Variants in LRP1B observed in about 807,000 individuals in gnomAD.
The protein encoded by LRP1B is low-density lipoprotein receptor-related protein 1B.
A neutral mutation model predicts 556.6 loss-of-function variants in LRP1B; 217 were observed. The observed-to-expected ratio is 0.39, with a 90% CI of 0.35 to 0.44. LRP1B has a LOEUF of 0.44. Among genes scored for constraint, LRP1B ranks in the 20% least tolerant of loss-of-function variants. The pLI is 1.00. For synonymous variants in LRP1B, 2,047 were observed against 1,865.8 expected (o/e 1.10, Z -2.50); for missense variants, 5,053 against 5,620.8 (o/e 0.90, Z 3.23).
At chr2:140,295,701 A>G (rs992717419) in intron 84 of LRP1B, among the ~76,000 whole-genome samples, 4 of 152,218 alleles carry the variant, frequency 2.6e-5, no homozygotes, top group African/African-American at 9.6e-5. Flanking sequence ...ACTAAAAACA[A>G]TATCTAGTTT....
intron 1 of LRP1B, among the ~76,000 whole-genome samples, chr2:142,021,082 C>T (rs78227842): frequency 6.6e-6 from 1 of 152,126 alleles, no homozygotes; most frequent in East Asian, 1.9e-4. Context: ...GTAAAACAAA[C>T]TTCTGACAAT....
At position 140,533,918 on chromosome 2, in the gene LRP1B, T is replaced by C. The variant is rs1690831263; in HGVS notation, c.7762+103A>G. 3 of 1,204,000 alleles carry C rather than the reference T, an allele frequency of 2.5e-6. No individual in the cohort carries two copies. The Admixed American group carries it at 5.9e-5, about 24-fold the overall frequency. The allele number at this position is 1,204,000 out of a possible 1,614,324, so 74.6% of individuals were successfully genotyped here. ...TTACCAAAGTGTGATCCATAGATGTTACTAGGTGTTATATGCCACAGAGCT... is the reference window on the plus strand; with the variant it reads ...TTACCAAAGTGTGATCCATAGATGTCACTAGGTGTTATATGCCACAGAGCT... On this transcript the variant is annotated intron_variant, in intron 47 of 90. Coordinates refer to ENST00000389484, the MANE Select transcript of LRP1B (RefSeq NM_018557.3).
intron 17 of LRP1B, among the ~76,000 whole-genome samples, chr2:140,984,433 C>T (rs960851833): frequency 2.0e-4 from 30 of 151,920 alleles, no homozygotes; most frequent in Non-Finnish European, 4.4e-5. Context: ...ATCTAAAATT[C>T]TAATTGGCCT....
intron 7 of LRP1B, among the ~76,000 whole-genome samples, chr2:141,130,954 C>A (rs1191239791): frequency 1.3e-5 from 2 of 152,090 alleles, no homozygotes; most frequent in East Asian, 1.9e-4. Flanking sequence ...TGTTCTCATT[C>A]ATAAGTGGGA....
At chr2:140,814,345 G>T (rs1467907609) in intron 31 of LRP1B, among the ~76,000 whole-genome samples, 1 of 151,996 alleles carries the variant, frequency 6.6e-6, no homozygotes, top group African/African-American at 2.4e-5. Context: ...TATCTCTATG[G>T]ATTACCAACA....
At chr2:142,009,697 C>T (rs1233106389) in intron 1 of LRP1B, among the ~76,000 whole-genome samples, 1 of 152,226 alleles carries the variant, frequency 6.6e-6, no homozygotes, top group East Asian at 1.9e-4. Flanking sequence ...TGATTTTATG[C>T]TGCATATATG....
intron 1 of LRP1B, among the ~76,000 whole-genome samples, chr2:142,071,704 C>T (rs554988473): frequency 1.3e-5 from 2 of 152,010 alleles, no homozygotes; most frequent in South Asian, 2.1e-4. Flanking sequence ...TCTCTGGTTC[C>T]TCACACATAA....
chr2:140,268,546 G>T (rs1402152969), intron 86 of LRP1B, among the ~76,000 whole-genome samples: 1 of 151,864 alleles, frequency 6.6e-6, no homozygotes, highest in East Asian at 1.9e-4. Context: ...TCCAATCAGG[G>T]CTACTCATTA....
chr2:141,804,244 G>A (rs1468268038), intron 2 of LRP1B, among the ~76,000 whole-genome samples: 1 of 152,012 alleles, frequency 6.6e-6, no homozygotes, highest in Non-Finnish European at 1.5e-5. Context: ...TGTATACTCT[G>A]CTTTCCCTAA....
At chr2:140,331,879 T>C (rs1365225818) in intron 79 of LRP1B, among the ~76,000 whole-genome samples, 1 of 151,832 alleles carries the variant, frequency 6.6e-6, no homozygotes, top group East Asian at 2.0e-4. Flanking sequence ...GTATTTTTAG[T>C]AGAGGCAGGG....
At chr2:140,291,499 C>T (rs562377876) in intron 84 of LRP1B, among the ~76,000 whole-genome samples, 1 of 151,358 alleles carries the variant, frequency 6.6e-6, no homozygotes, top group African/African-American at 2.4e-5. Flanking sequence ...TGTGATGTTC[C>T]CCTTCCTGTG....
intron 3 of LRP1B, among the ~76,000 whole-genome samples, chr2:141,322,061 A>T (rs903167519): frequency 2.6e-5 from 4 of 152,066 alleles, no homozygotes; most frequent in Non-Finnish European, 5.9e-5. Context: ...GTTAACAGTG[A>T]CATTGATTAT....
intron 1 of LRP1B, among the ~76,000 whole-genome samples, chr2:142,103,461 T>C (rs1000127937): frequency 5.3e-5 from 8 of 151,970 alleles, no homozygotes; most frequent in African/African-American, 1.9e-4. Flanking sequence ...ATAATCACTT[T>C]TTCCTTAATA....
intron 1 of LRP1B, among the ~76,000 whole-genome samples, chr2:141,878,121 CT>C (rs1312028172): frequency 6.6e-6 from 1 of 151,904 alleles, no homozygotes; most frequent in African/African-American, 2.4e-5. Context: ...CACAAATTTA[CT>C]TCTTAAAACA....
intron 1 of LRP1B, among the ~76,000 whole-genome samples, chr2:141,860,516 A>G (rs1414787069): frequency 6.6e-6 from 1 of 152,242 alleles, no homozygotes; most frequent in Middle Eastern, 3.4e-3. Flanking sequence ...AATTATCTGT[A>G]TTTTGAACCT....
At chr2:141,365,783 C>T (rs1331771346) in intron 3 of LRP1B, among the ~76,000 whole-genome samples, 1 of 151,380 alleles carries the variant, frequency 6.6e-6, no homozygotes, top group African/African-American at 2.4e-5. Flanking sequence ...CACCATTCTC[C>T]TGCCTCAGCC....
intron 21 of LRP1B, among the ~76,000 whole-genome samples, chr2:140,910,988 G>T (rs1054175245): frequency 6.6e-6 from 1 of 151,788 alleles, no homozygotes; most frequent in Non-Finnish European, 1.5e-5. Context: ...CTGCTGTTTT[G>T]TATATATTAG....
At chr2:141,993,116 A>T (rs1480660692) in intron 1 of LRP1B, among the ~76,000 whole-genome samples, 1 of 152,138 alleles carries the variant, frequency 6.6e-6, no homozygotes, top group Non-Finnish European at 1.5e-5. Context: ...GATTGCTTGC[A>T]TTTCTGTTGG....
chr2:141,870,355 T>C (rs541467430), intron 1 of LRP1B, among the ~76,000 whole-genome samples: 10 of 152,056 alleles, frequency 6.6e-5, no homozygotes, highest in East Asian at 5.8e-4. Flanking sequence ...TCATTGATTC[T>C]AGCCTTTATA....
Sources: gnomAD v4.1 joint callset for allele counts (sites outside exome capture counted in the v4.1 genomes callset) on GRCh38, gnomAD v4.1.1 for gene constraint, MANE v1.5 for transcripts, NCBI Gene and HGNC (gene_info 2026-07-23, HGNC 2026-07-21) for gene names.